Variants in NINL observed in about 807,000 individuals in gnomAD.
The protein encoded by NINL is ninein like, also known as ninein-like protein.
In NINL, 153 loss-of-function variants were observed where a neutral mutation model predicts 160.3. The ratio of observed to expected loss-of-function variants is 0.95; its 90% CI spans 0.84 to 1.09. The LOEUF is 1.09. Among genes scored for constraint, NINL ranks in the 50% least tolerant of loss-of-function variants. The pLI is 0.00. For synonymous variants in NINL, 800 were observed against 734.8 expected, an observed-to-expected ratio of 1.09 and a Z score of -1.43; for missense variants, 1,829 against 1,764.0, an observed-to-expected ratio of 1.04 and a Z score of -0.66.
chr20:25,570,775 T>C (rs1423697364), intron 1 of NINL, among the ~76,000 whole-genome samples: 2 of 131,458 alleles, frequency 1.5e-5, no homozygotes, highest in Admixed American at 1.9e-4. Context: ...CAATCTCAGC[T>C]CACTGCAACC....
chr20:25,514,286 C>T (rs2064125934), intron 3 of NINL, among the ~76,000 whole-genome samples: 1 of 152,210 alleles, frequency 6.6e-6, no homozygotes, highest in Non-Finnish European at 1.5e-5. Flanking sequence ...CACCTCTACC[C>T]TAGAGATCTG....
chr20:25,561,264 C>T (rs948255361), intron 1 of NINL, among the ~76,000 whole-genome samples: 1 of 152,182 alleles, frequency 6.6e-6, no homozygotes, highest in Non-Finnish European at 1.5e-5. Flanking sequence ...GTCTCCAGCT[C>T]CTAAGCGCGA....
chr20:25,491,572 G>T, intron 10 of NINL, 47 bp from the exon 11 acceptor site: 1 of 1,582,854 alleles, frequency 6.3e-7, no homozygotes, highest in South Asian at 1.1e-5. Context: ...TGTCAGGGCT[G>T]CCCAGGCCCA....
chr20:25,455,592 A>G (rs879743112), intron 23 of NINL, 81 bp downstream of exon 23: 2 of 971,334 alleles, frequency 2.1e-6, no homozygotes, highest in Admixed American at 1.9e-5. Context: ...CTTTTCCTGT[A>G]TTAGCTACCT....
At chr20:25,529,956 G>A (rs1963550704) in intron 1 of NINL, among the ~76,000 whole-genome samples, 1 of 152,216 alleles carries the variant, frequency 6.6e-6, no homozygotes, top group South Asian at 2.1e-4. Context: ...CCAGGCAAAG[G>A]GGAGCAGGAT....
intron 2 of NINL, among the ~76,000 whole-genome samples, chr20:25,518,587 CT>C (rs1387922384): frequency 6.6e-6 from 1 of 152,076 alleles, no homozygotes; most frequent in East Asian, 1.9e-4. Flanking sequence ...AGCTATGTCT[CT>C]TAAGAATAGT....
chr20:25,463,545 T>C (rs1418014543), intron 19 of NINL, among the ~76,000 whole-genome samples: 3 of 152,206 alleles, frequency 2.0e-5, no homozygotes, highest in Non-Finnish European at 4.4e-5. Flanking sequence ...GGCAGGAAAG[T>C]GGCCCTGCGG....
intron 1 of NINL, among the ~76,000 whole-genome samples, chr20:25,564,046 C>G (rs1405551866): frequency 6.6e-6 from 1 of 151,896 alleles, no homozygotes; most frequent in Non-Finnish European, 1.5e-5. Context: ...GACCTCATCT[C>G]TACAAAAAAA....
intron 1 of NINL, among the ~76,000 whole-genome samples, chr20:25,576,263 AGTCT>A (rs2065114297): frequency 6.6e-6 from 1 of 152,092 alleles, no homozygotes; most frequent in South Asian, 2.1e-4. Flanking sequence ...AATGTCCCAG[AGTCT>A]GTCTGGTGTC....
chr20:25,500,180 C>T lies in NINL; in HGVS notation c.1032+660G>A, dbSNP rs1378622760. Among the ~76,000 whole-genome samples the T allele has an allele frequency of 2.0e-5, 3 of 152,196 alleles. No individual in the cohort carries two copies. The South Asian group carries it at 6.2e-4, about 31-fold the overall frequency. On this transcript the variant is annotated intron_variant, in intron 8 of 23. Transcript: ENST00000278886. ...ATCCATGCTGGGCCCCTGCACACCT[C>T]TGCCCCTGCACAGTTGTTGCCAAAT... is the stretch of plus-strand genomic sequence containing the variant.
chr20:25,534,654 G>A (rs781700693), intron 1 of NINL, among the ~76,000 whole-genome samples: 4 of 152,188 alleles, frequency 2.6e-5, no homozygotes, highest in Admixed American at 6.5e-5. Context: ...GACCACCACT[G>A]TATATGCAGT....
chr20:25,537,449 T>A (rs2064578728), intron 1 of NINL, among the ~76,000 whole-genome samples: 1 of 152,216 alleles, frequency 6.6e-6, no homozygotes, highest in Admixed American at 6.5e-5. Context: ...GTAAATCCAA[T>A]GGGTCAACGA....
In NINL at chr20:25,521,419, C is replaced by T. The variant is rs187666708; in HGVS notation, c.181-3570G>A. ...ACAATTCTAATATCTCACATATTTG[C>T]GGGTGTGCTTCCATTGTCAGTTGTT... On this transcript the variant is annotated intron_variant, in intron 2 of 23. Coordinates refer to ENST00000278886, the MANE Select transcript of NINL (RefSeq NM_025176.6). Among the ~76,000 whole-genome samples the T allele has an allele frequency of 2.4e-4, 36 of 152,274 alleles. 2 individuals are homozygous for T. In the East Asian group the frequency reaches 5.0e-3, roughly 21 times the overall value.
At chr20:25,577,020 G>A (rs1228392899) in intron 1 of NINL, among the ~76,000 whole-genome samples, 1 of 152,186 alleles carries the variant, frequency 6.6e-6, no homozygotes, top group Non-Finnish European at 1.5e-5. Context: ...ACAGTTTCCT[G>A]AGGAACCGTA....
rs142121322 is a variant in NINL, at chr20:25,554,111, G to T, written c.-11-27513C>A. ...GAGTGAATTCACTCTTTCAGGCAACGTTCAGGAAGGGGCAGGAGCCCAGGC... is the reference window on the plus strand; with the variant it reads ...GAGTGAATTCACTCTTTCAGGCAACTTTCAGGAAGGGGCAGGAGCCCAGGC... On this transcript the variant is annotated intron_variant, in intron 1 of 23. Transcript: ENST00000278886. Among the ~76,000 whole-genome samples the T allele has an allele frequency of 3.6e-3, 547 of 152,338 alleles. 2 individuals carry two copies. The highest frequency in any genetic ancestry group is 5.8e-3 in the Non-Finnish European group (396 of 68,032).
intron 21 of NINL, among the ~76,000 whole-genome samples, chr20:25,461,137 A>G (rs1442700681): frequency 1.3e-5 from 2 of 152,174 alleles, no homozygotes; most frequent in Non-Finnish European, 2.9e-5. Context: ...GGAGGCGTGT[A>G]CAGAGGCCAG....
In NINL at chr20:25,482,018, GA is replaced by G; in HGVS notation, c.1759del (p.Ser587HisfsTer28). 2 of 1,598,660 alleles carry G rather than the reference GA, an allele frequency of 1.3e-6. No homozygotes were observed. The highest frequency in any genetic ancestry group is 1.7e-6 in the Non-Finnish European group (2 of 1,179,732). On this transcript the variant is annotated frameshift_variant, in exon 14 of 24. Coordinates refer to ENST00000278886, the MANE Select transcript of NINL (RefSeq NM_025176.6). LOFTEE classifies it high-confidence loss of function. ...ARLPKNRHSP[S>X]WSPDGRRRQL... is the part of the protein sequence containing the mutation. ...CCGTCTGCGCCCATCCGGGCTCCAT[GA>G]GGGGCTGTGCCGGTTCTTGGGCAGC... is the stretch of plus-strand genomic sequence containing the variant.
At chr20:25,475,888 C>G (rs966383304) in intron 17 of NINL, among the ~76,000 whole-genome samples, 155 bp downstream of exon 17, 38 of 152,204 alleles carry the variant, frequency 2.5e-4, no homozygotes, top group African/African-American at 9.2e-4. Context: ...GGCTCACAAC[C>G]CCTACTCAGG....
At chr20:25,544,428 G>T (rs190852226) in intron 1 of NINL, among the ~76,000 whole-genome samples, 1 of 152,314 alleles carries the variant, frequency 6.6e-6, no homozygotes, top group East Asian at 1.9e-4. Flanking sequence ...GGAATGAGCA[G>T]GATGCAGACA....
Sources: allele counts gnomAD v4.1 joint callset (sites outside exome capture counted in the v4.1 genomes callset), GRCh38; gene constraint gnomAD v4.1.1; transcripts MANE v1.5; gene names NCBI Gene and HGNC (gene_info 2026-07-23, HGNC 2026-07-21).